GLIS3: variants seen among roughly 807,000 people sequenced by gnomAD.
GLIS3 encodes zinc finger protein GLIS3.
A neutral mutation model predicts 78.6 loss-of-function variants in GLIS3; 53 were observed. The observed-to-expected ratio is 0.67, with a 90% CI of 0.54 to 0.85. GLIS3 has a LOEUF of 0.85. GLIS3 is among the 40% of genes least tolerant of loss of function. The pLI is 0.00. For missense variants in GLIS3, 1,703 were observed against 1,231.1 expected (o/e 1.38, Z -5.74); for synonymous variants, 684 against 509.9 (o/e 1.34, Z -4.60).
chr9:4,169,968 CA>C (rs1308766043), intron 2 of GLIS3, among the ~76,000 whole-genome samples: 1 of 151,992 alleles, frequency 6.6e-6, no homozygotes, highest in Non-Finnish European at 1.5e-5. Flanking sequence ...GTCCTCACAT[CA>C]AAATGAAAAA....
chr9:3,990,579 G>C (rs986353462), intron 4 of GLIS3, among the ~76,000 whole-genome samples: 1 of 152,044 alleles, frequency 6.6e-6, no homozygotes. Context: ...GGCTCTGTAG[G>C]GTGAACAGAA....
At chr9:4,362,438 C>A in the GLIS3 span, among the ~76,000 whole-genome samples, 1 of 152,210 alleles carries the variant, frequency 6.6e-6, no homozygotes, top group Admixed American at 6.5e-5. Flanking sequence ...GCCATCTCAG[C>A]TGAAGCTCCC....
intron 3 of GLIS3, among the ~76,000 whole-genome samples, chr9:4,124,005 T>A (rs924079483): frequency 6.6e-6 from 1 of 152,208 alleles, no homozygotes; most frequent in Non-Finnish European, 1.5e-5. Flanking sequence ...TCTCTCTCCA[T>A]CTTCTCTTTA....
intron 2 of GLIS3, among the ~76,000 whole-genome samples, chr9:4,273,646 C>T (rs1400318194): frequency 6.9e-6 from 1 of 145,864 alleles, no homozygotes; most frequent in African/African-American, 2.6e-5. Context: ...TGTATTTTCA[C>T]ATTTATCATC....
the GLIS3 span, among the ~76,000 whole-genome samples, chr9:4,443,313 T>C: frequency 6.6e-6 from 1 of 152,234 alleles, no homozygotes; most frequent in African/African-American, 2.4e-5. Context: ...TAATTTTTTC[T>C]GTCCATGTCT....
intron 2 of GLIS3, among the ~76,000 whole-genome samples, chr9:4,206,584 AAGAGAATACTTT>A (rs1339302317): frequency 1.3e-5 from 2 of 152,232 alleles, no homozygotes; most frequent in Non-Finnish European, 2.9e-5. Flanking sequence ...TCAATGAAAC[AAGAGAATACTTT>A]ATAATCTCTC....
intron 2 of GLIS3, among the ~76,000 whole-genome samples, chr9:4,171,278 CTAGGGAA>C (rs1376810601): frequency 6.6e-6 from 1 of 152,138 alleles, no homozygotes; most frequent in Non-Finnish European, 1.5e-5. Flanking sequence ...AACAGAGAAT[CTAGGGAA>C]TAGCTTAAGT....
chr9:3,956,139 T>A lies in GLIS3; in HGVS notation c.1711-18950A>T, dbSNP rs7045607. Among the ~76,000 whole-genome samples the A allele has an allele frequency of 1.8e-4, 28 of 152,008 alleles. 2 individuals carry two copies. Among genetic ancestry groups the A allele is most frequent in the Admixed American group, 1.8e-3 (28 of 15,270 alleles). ...AAACTCTTCTGGTTACATTACCTAA[T>A]GGTCATTTATAAGCTGACTTCCATT... On this transcript the variant is annotated intron_variant, in intron 4 of 10. Coordinates refer to ENST00000381971, the MANE Select transcript of GLIS3 (RefSeq NM_001042413.2).
chr9:4,105,996 G>T (rs10814845), intron 4 of GLIS3, among the ~76,000 whole-genome samples: 98,633 of 152,050 alleles, frequency 0.65, 35,858 homozygotes, highest in East Asian at 0.96. Context: ...AATCCATGCC[G>T]CAAGAACCTG....
At chr9:4,302,967 A>C (rs1204071908), upstream of GLIS3, among the ~76,000 whole-genome samples, 1 of 152,198 alleles carries the variant, frequency 6.6e-6, no homozygotes, top group African/African-American at 2.4e-5. Flanking sequence ...CAAAAGGGGC[A>C]CAGAAGGCAT....
intron 4 of GLIS3, among the ~76,000 whole-genome samples, chr9:4,036,668 C>A (rs569025758): frequency 2.0e-5 from 3 of 152,272 alleles, no homozygotes; most frequent in Non-Finnish European, 2.9e-5. Context: ...AGGTGCCCAG[C>A]AAACGGCGCA....
chr9:4,141,767 G>A (rs1401890182), intron 2 of GLIS3, among the ~76,000 whole-genome samples: 5 of 152,188 alleles, frequency 3.3e-5, no homozygotes, highest in African/African-American at 1.2e-4. Flanking sequence ...ATTTGTCATT[G>A]TATAAAATCA....
At chr9:4,216,661 T>A (rs1263848691) in intron 2 of GLIS3, among the ~76,000 whole-genome samples, 1 of 152,166 alleles carries the variant, frequency 6.6e-6, no homozygotes, top group Non-Finnish European at 1.5e-5. Flanking sequence ...CTTCTTGTTT[T>A]AAGCTCTATC....
At position 3,893,932 on chromosome 9, in the gene GLIS3, TA is replaced by T. The variant is rs539382688; in HGVS notation, c.2128+4758del. ...TTAACAGCTTAAAATGACCAGTGCCTACAACAGAGAAGTATGAAGCTTGCTC... is the reference window on the plus strand; with the variant it reads ...TTAACAGCTTAAAATGACCAGTGCCTCAACAGAGAAGTATGAAGCTTGCTC... On this transcript the variant is annotated intron_variant, in intron 7 of 10. Transcript: ENST00000381971. Among the ~76,000 whole-genome samples the T allele has an allele frequency of 2.6e-3, 400 of 152,282 alleles. 1 individual carries two copies. The highest frequency in any genetic ancestry group is 9.4e-3 in the African/African-American group (389 of 41,564).
At chr9:4,037,916 A>C (rs1028393325) in intron 4 of GLIS3, among the ~76,000 whole-genome samples, 5 of 151,848 alleles carry the variant, frequency 3.3e-5, no homozygotes, top group African/African-American at 1.2e-4. Flanking sequence ...CACACTTTTC[A>C]GCTGCCCACA....
intron 2 of GLIS3, among the ~76,000 whole-genome samples, chr9:4,195,924 T>G: frequency 6.6e-6 from 1 of 152,240 alleles, no homozygotes; most frequent in East Asian, 1.9e-4. Flanking sequence ...ATCAGCACTT[T>G]GTATCTAGCT....
intron 2 of GLIS3, among the ~76,000 whole-genome samples, chr9:4,252,663 T>C (rs368167175): frequency 6.6e-6 from 1 of 151,964 alleles, no homozygotes; most frequent in Non-Finnish European, 1.5e-5. Flanking sequence ...TGGTGAGGAG[T>C]TGTGATCCTT....
chr9:4,095,907 A>T (rs1829900029), intron 4 of GLIS3, among the ~76,000 whole-genome samples: 1 of 152,018 alleles, frequency 6.6e-6, no homozygotes, highest in East Asian at 1.9e-4. Flanking sequence ...CTGGTTTCAA[A>T]GCCAACAAGT....
At chr9:4,004,796 G>A (rs1184120910) in intron 4 of GLIS3, among the ~76,000 whole-genome samples, 2 of 152,064 alleles carry the variant, frequency 1.3e-5, no homozygotes, top group African/African-American at 4.8e-5. Context: ...TCCTTTCAAC[G>A]ACCCTGTGAG....
Sources: allele counts gnomAD v4.1 joint callset (sites outside exome capture counted in the v4.1 genomes callset), GRCh38; gene constraint gnomAD v4.1.1; transcripts MANE v1.5; gene names NCBI Gene and HGNC (gene_info 2026-07-23, HGNC 2026-07-21).